The following BCL11B variants were observed in gnomAD, a reference collection of about 807,000 sequenced individuals.
BCL11B encodes B-cell lymphoma/leukemia 11B.
A neutral mutation model predicts 49.9 loss-of-function variants in BCL11B; 8 were observed. The observed-to-expected ratio is 0.16, with a 90% CI of 0.09 to 0.29. BCL11B has a LOEUF of 0.29. Ranked by LOEUF, BCL11B falls within the 10% of genes least tolerant of loss-of-function variation. The pLI is 1.00. For synonymous variants in BCL11B, 739 were observed against 637.4 expected, an observed-to-expected ratio of 1.16 and a Z score of -2.40; for missense variants, 1,006 against 1,351.0, an observed-to-expected ratio of 0.74 and a Z score of 4.00.
At chr14:99,197,753 G>A (rs557565275) in intron 3 of BCL11B, among the ~76,000 whole-genome samples, 1 of 152,312 alleles carries the variant, frequency 6.6e-6, no homozygotes, top group African/African-American at 2.4e-5. Context: ...CAGACGGCTG[G>A]AGCGGAGACT....
At chr14:99,221,101 C>A (rs1046598648) in intron 3 of BCL11B, among the ~76,000 whole-genome samples, 2 of 152,178 alleles carry the variant, frequency 1.3e-5, no homozygotes, top group African/African-American at 4.8e-5. Context: ...ATCCGCCTGC[C>A]TGCCTCAGCC....
At position 99,231,309 on chromosome 14, in the gene BCL11B, CG is replaced by C; in HGVS notation, c.640+35del. On this transcript the variant is annotated intron_variant, in intron 3 of 3. Transcript: ENST00000357195. This position sits in a 1 kb window ranked among gnomAD's most constrained non-coding sequence, Gnocchi z 8.1. ...CTGCCCATGGCACACCCCGCCATCCCGGGGGCCCGCCCCCCACCGCGGCGTC... is the reference window on the plus strand; with the variant it reads ...CTGCCCATGGCACACCCCGCCATCCCGGGGCCCGCCCCCCACCGCGGCGTC... 3.1e-6 allele frequency: 5 copies of C among 1,595,560 alleles called. No individual in the cohort carries two copies. The highest frequency in any genetic ancestry group is 1.1e-5 in the South Asian group (1 of 89,014).
chr14:99,271,213 G>C lies in BCL11B; in HGVS notation c.6C>G (p.Ser2=). 6.5e-7 allele frequency: 1 copy of C among 1,532,878 alleles called. No individual in the cohort carries two copies. Among genetic ancestry groups the C allele is most frequent in the South Asian group, 1.2e-5 (1 of 81,184 alleles). The allele number at this position is 1,532,878 out of a possible 1,614,324, so 95.0% of individuals were successfully genotyped here. Residue 2 remains serine, a synonymous_variant, in exon 1 of 4, where the codon TCC becomes TCG. Transcript: ENST00000357195. The part of the protein sequence containing the change: M[S]RRKQGNPQHL... ...GCTGCGGGTTGCCCTGTTTGCGGCG[G>C]GACATTGCCCCGGCATCTATTCTGG...
intron 1 of BCL11B, among the ~76,000 whole-genome samples, chr14:99,269,515 T>TCCCC (rs61216322): frequency 8.3e-6 from 1 of 120,626 alleles, no homozygotes; most frequent in African/African-American, 2.9e-5. Flanking sequence ...TAATTTCTAT[T>TCCCC]CCCCCCCCCC....
intron 1 of BCL11B, among the ~76,000 whole-genome samples, chr14:99,266,408 G>A (rs536314630): frequency 1.3e-5 from 2 of 152,122 alleles, no homozygotes; most frequent in South Asian, 4.2e-4. Context: ...TTTTCAGAAC[G>A]TCAAGACCAC....
intron 2 of BCL11B, among the ~76,000 whole-genome samples, chr14:99,245,806 A>C (rs1424959166): frequency 6.6e-6 from 1 of 152,090 alleles, no homozygotes; most frequent in East Asian, 1.9e-4. Flanking sequence ...CCGTGCGCAC[A>C]AAGGGGCCCG....
intron 3 of BCL11B, among the ~76,000 whole-genome samples, chr14:99,229,023 G>C (rs1429616733): frequency 8.3e-6 from 1 of 120,478 alleles, no homozygotes; most frequent in African/African-American, 3.2e-5. Context: ...TGGATGGATG[G>C]ATGGATGGAT....
At chr14:99,202,272 G>A (rs185020918) in intron 3 of BCL11B, among the ~76,000 whole-genome samples, 2 of 152,296 alleles carry the variant, frequency 1.3e-5, no homozygotes, top group East Asian at 3.9e-4. Context: ...TTACAGGTGT[G>A]AGCATGGCCA....
rs539350268 is a variant in BCL11B, at chr14:99,213,959, C to A, written c.640+17386G>T. Reference sequence around the variant, plus strand: ...GAGGCTTGGCCCCAGGACACTGACTCCTCCCTCTCCCTAGACCCAGTCCTC... The same window carrying A: ...GAGGCTTGGCCCCAGGACACTGACTACTCCCTCTCCCTAGACCCAGTCCTC... On this transcript the variant is annotated intron_variant, in intron 3 of 3. Transcript: ENST00000357195. The surrounding 1 kb of genome is among the most constrained non-coding windows in gnomAD (Gnocchi z 5.1). Among the ~76,000 whole-genome samples the A allele has an allele frequency of 5.9e-5, 9 of 152,260 alleles. No homozygotes were observed. In the East Asian group the frequency reaches 1.7e-3, roughly 29 times the overall value.
At chr14:99,258,831 A>C (rs977070792) in intron 1 of BCL11B, among the ~76,000 whole-genome samples, 5 of 152,228 alleles carry the variant, frequency 3.3e-5, no homozygotes, top group Admixed American at 1.3e-4. Context: ...GAAGATATCA[A>C]ACCACACTTT....
At chr14:99,183,510 T>A (rs1395501740) in intron 3 of BCL11B, among the ~76,000 whole-genome samples, 1 of 151,882 alleles carries the variant, frequency 6.6e-6, no homozygotes, top group African/African-American at 2.4e-5. Context: ...GCACGAGCCA[T>A]GTTCCTTCCA....
chr14:99,169,756 C>T lies in BCL11B; in HGVS notation c.*4395G>A, dbSNP rs777373226. On this transcript the variant is annotated 3_prime_UTR_variant, in exon 4 of 4. Transcript: ENST00000357195. ...AAATCACGGGTTTGCCTGTGTTCCA[C>T]GAGACCTTCGGCTGACGGTTACTTA... The T allele has an allele frequency of 1.8e-5, 4 of 224,338 alleles. No individual in the cohort carries two copies. The highest frequency in any genetic ancestry group is 4.5e-5 in the African/African-American group (2 of 44,784). The allele number at this position is 224,338 out of a possible 1,614,324, so 13.9% of individuals were successfully genotyped here. A position where few individuals can be genotyped will look rare whatever the true frequency, so the allele number is the denominator to read the frequency against.
intron 3 of BCL11B, among the ~76,000 whole-genome samples, chr14:99,188,551 T>C (rs1488884609): frequency 6.6e-5 from 3 of 45,150 alleles, no homozygotes; most frequent in African/African-American, 2.5e-4. Flanking sequence ...GGGCTGGGGC[T>C]GGGGCTGGGG....
At chr14:99,187,527 C>T (rs1886888888) in intron 3 of BCL11B, among the ~76,000 whole-genome samples, 1 of 151,998 alleles carries the variant, frequency 6.6e-6, no homozygotes, top group Admixed American at 6.6e-5. Context: ...CCACGCCGCC[C>T]AACATGAGAG....
intron 3 of BCL11B, among the ~76,000 whole-genome samples, chr14:99,183,159 G>C (rs1389143811): frequency 6.6e-6 from 1 of 151,982 alleles, no homozygotes; most frequent in African/African-American, 2.4e-5. Flanking sequence ...AGAATTCAAG[G>C]GTTTGACTCA....
At position 99,175,499 on chromosome 14, in the gene BCL11B, C is replaced by T; in HGVS notation, c.1337G>A (p.Arg446Gln). The T allele has an allele frequency of 6.2e-7, 1 of 1,610,552 alleles. No homozygotes were observed. The highest frequency in any genetic ancestry group is 8.5e-7 in the Non-Finnish European group (1 of 1,178,330). The change falls in exon 4 of 4, where the codon CGG (arginine) becomes CAG (glutamine). Residue 446 changes from arginine (R) to glutamine (Q), a missense_variant. Around this residue, in one of 6 missense-constraint regions of BCL11B, gnomAD observed 15 missense variants for 75.3 expected, o/e 0.20. Transcript: ENST00000357195. ...FKFQSNLIVH[R>Q]RSHTGEKPYK... ...GGGCTTCTCGCCCGTGTGACTGCGC[C>T]GGTGCACGATGAGATTGCTCTGGAA...
intron 2 of BCL11B, among the ~76,000 whole-genome samples, chr14:99,240,020 G>A (rs1888616032): frequency 6.6e-6 from 1 of 152,184 alleles, no homozygotes; most frequent in Non-Finnish European, 1.5e-5. Context: ...AGGTGCAGAT[G>A]GAGTCATGGA....
intron 2 of BCL11B, among the ~76,000 whole-genome samples, chr14:99,236,719 G>T (rs1230598660): frequency 3.3e-5 from 5 of 152,070 alleles, no homozygotes; most frequent in Admixed American, 3.3e-4. Flanking sequence ...AGCTGAAAGG[G>T]CTCTGATCTT....
intron 2 of BCL11B, among the ~76,000 whole-genome samples, chr14:99,243,918 TAAAAAAAAAAAAAAAAAAAAA>T (rs200999902): frequency 1.2e-4 from 16 of 128,174 alleles, no homozygotes; most frequent in African/African-American, 4.3e-4. Flanking sequence ...ACATTGCTCC[TAAAAAAAAAAAAAAAAAAAAA>T]AAAAAAAAAA....
Sources: gnomAD v4.1 joint callset for allele counts (sites outside exome capture counted in the v4.1 genomes callset) on GRCh38, gnomAD v4.1.1 for gene constraint, gnomAD v4.1.1 regional missense constraint, Gnocchi (gnomAD v3.1) non-coding constraint, MANE v1.5 for transcripts, NCBI Gene and HGNC (gene_info 2026-07-23, HGNC 2026-07-21) for gene names.